The following PDE3B variants were observed in gnomAD, a reference collection of about 807,000 sequenced individuals.
The protein encoded by PDE3B is phosphodiesterase 3B, also known as cGMP-inhibited 3',5'-cyclic phosphodiesterase 3B.
A neutral mutation model predicts 116.8 loss-of-function variants in PDE3B; 66 were observed. That is an observed-to-expected ratio of 0.56 (90% CI 0.46 to 0.69). The LOEUF is 0.69. Among genes scored for constraint, PDE3B ranks in the 30% least tolerant of loss-of-function variants. The pLI is 0.00. For missense variants in PDE3B, 1,384 were observed against 1,368.1 expected, an observed-to-expected ratio of 1.01 and a Z score of -0.18; for synonymous variants, 595 against 533.6, an observed-to-expected ratio of 1.12 and a Z score of -1.59.
the PDE3B span, among the ~76,000 whole-genome samples, chr11:14,882,300 T>C: frequency 6.6e-6 from 1 of 152,080 alleles, no homozygotes; most frequent in Non-Finnish European, 1.5e-5. Context: ...TAAAAAGATA[T>C]AGGGTAGTCA....
intron 1 of PDE3B, among the ~76,000 whole-genome samples, chr11:14,703,320 T>C (rs1855428394): frequency 6.6e-6 from 1 of 151,722 alleles, no homozygotes; most frequent in South Asian, 2.1e-4. Context: ...AAAATTATGA[T>C]ATATAGTATT....
intron 1 of PDE3B, among the ~76,000 whole-genome samples, chr11:14,682,131 C>T (rs1172624542): frequency 6.6e-6 from 1 of 152,052 alleles, no homozygotes; most frequent in Non-Finnish European, 1.5e-5. Flanking sequence ...AGGTCTTCAT[C>T]CTCACTGTCT....
At position 14,728,279 on chromosome 11, in the gene PDE3B, T is replaced by C. The variant is rs374856299; in HGVS notation, c.979-43658T>C. Among the ~76,000 whole-genome samples, 406 of 152,196 alleles carry C rather than the reference T, an allele frequency of 2.7e-3. 1 individual carries two copies. Among genetic ancestry groups the C allele is most frequent in the Non-Finnish European group, 4.7e-3 (322 of 67,916 alleles). ...CTAGTTTTGAAAAGCTAAAAGTTTA[T>C]GTTTTTATGCTTTCTGTGAAAGTCA... On this transcript the variant is annotated intron_variant, in intron 1 of 15. Transcript: ENST00000282096.
intron 1 of PDE3B, among the ~76,000 whole-genome samples, chr11:14,692,605 C>T (rs371468996): frequency 3.9e-5 from 6 of 151,942 alleles, no homozygotes; most frequent in Non-Finnish European, 8.8e-5. Flanking sequence ...TTGTGATCAG[C>T]GATCTTTGAT....
chr11:14,876,385 T>A (rs1848189641), downstream of PDE3B, among the ~76,000 whole-genome samples: 2 of 152,138 alleles, frequency 1.3e-5, no homozygotes, highest in African/African-American at 4.8e-5. Context: ...AGAAGGTAGG[T>A]TGGAAAGTTG....
At chr11:14,852,346 A>C (rs1293758511) in intron 12 of PDE3B, among the ~76,000 whole-genome samples, 1 of 152,168 alleles carries the variant, frequency 6.6e-6, no homozygotes, top group Non-Finnish European at 1.5e-5. Flanking sequence ...ATGAGCTACC[A>C]TGCCGGCCTA....
At chr11:14,879,098 G>T in the PDE3B span, 4 of 1,601,216 alleles carry the variant, frequency 2.5e-6, no homozygotes, top group Admixed American at 3.3e-5. Flanking sequence ...GTTACGCCCC[G>T]TGAAAGTTCT....
Position 14,739,383 on chromosome 11 carries a change from C to T in PDE3B, c.979-32554C>T, listed in dbSNP as rs1856697507. Reference sequence around the variant, plus strand: ...TGTAACAATTGTGAATGGCAGTTCACTCATGATTTGGCTCTCTGTTTGCCT... The same window carrying T: ...TGTAACAATTGTGAATGGCAGTTCATTCATGATTTGGCTCTCTGTTTGCCT... On this transcript the variant is annotated intron_variant, in intron 1 of 15. Coordinates refer to ENST00000282096, the MANE Select transcript of PDE3B (RefSeq NM_000922.4). 2.2e-5 allele frequency among the ~76,000 whole-genome samples: 3 copies of T among 134,858 alleles called. No individual in the cohort carries two copies. The South Asian group carries it at 7.8e-4, about 35-fold the overall frequency. 88.5% of individuals were successfully genotyped at this position (134,858 alleles called of 152,430 possible).
intron 7 of PDE3B, among the ~76,000 whole-genome samples, chr11:14,826,212 A>G (rs2133957619): frequency 6.6e-6 from 1 of 152,308 alleles, no homozygotes; most frequent in Middle Eastern, 3.4e-3. Context: ...TAAAATAACT[A>G]GAGAAGAGAG....
chr11:14,788,314 G>A (rs1425246907), intron 3 of PDE3B, among the ~76,000 whole-genome samples: 2 of 151,896 alleles, frequency 1.3e-5, no homozygotes, highest in African/African-American at 4.8e-5. Context: ...TAAGAACAAA[G>A]AAAGATCATA....
chr11:14,705,987 C>A (rs1379852510), intron 1 of PDE3B, among the ~76,000 whole-genome samples: 1 of 151,730 alleles, frequency 6.6e-6, no homozygotes, highest in African/African-American at 2.4e-5. Flanking sequence ...CTAAAGCAAA[C>A]AAAATACTAA....
chr11:14,788,206 C>T (rs189170499), intron 3 of PDE3B, among the ~76,000 whole-genome samples: 1 of 151,902 alleles, frequency 6.6e-6, no homozygotes, highest in East Asian at 1.9e-4. Context: ...TATAAAAAGC[C>T]TGTTGTTACT....
chr11:14,655,431 C>G (rs959558148), intron 1 of PDE3B, among the ~76,000 whole-genome samples: 4 of 152,134 alleles, frequency 2.6e-5, no homozygotes, highest in Non-Finnish European at 5.9e-5. Context: ...TTAATTCATT[C>G]CTATCACATT....
intron 1 of PDE3B, among the ~76,000 whole-genome samples, chr11:14,678,824 T>C (rs1854607239): frequency 6.6e-6 from 1 of 152,220 alleles, no homozygotes. Flanking sequence ...TAAGAACTTT[T>C]TAACCACAGG....
chr11:14,704,194 A>G (rs752485720), intron 1 of PDE3B, among the ~76,000 whole-genome samples: 2 of 151,750 alleles, frequency 1.3e-5, no homozygotes, highest in African/African-American at 2.4e-5. Context: ...TTTAATTTTA[A>G]TGGTTAGAAT....
chr11:14,841,321 C>G (rs1045951224), intron 11 of PDE3B, among the ~76,000 whole-genome samples: 17 of 148,514 alleles, frequency 1.1e-4, no homozygotes, highest in Non-Finnish European at 2.4e-4. Context: ...AAATAAATCT[C>G]TCTCTCTCTC....
chr11:14,676,082 G>T (rs1263548573), intron 1 of PDE3B, among the ~76,000 whole-genome samples: 1 of 152,100 alleles, frequency 6.6e-6, no homozygotes, highest in Admixed American at 6.6e-5. Flanking sequence ...TATAGTACCT[G>T]TGATGTTGAA....
intron 1 of PDE3B, among the ~76,000 whole-genome samples, chr11:14,757,980 A>G (rs1857243374): frequency 6.6e-6 from 1 of 151,454 alleles, no homozygotes; most frequent in Non-Finnish European, 1.5e-5. Context: ...TGATTTTTGT[A>G]TAAGGTGTAA....
intron 1 of PDE3B, among the ~76,000 whole-genome samples, chr11:14,694,439 A>T (rs550684395): frequency 1.3e-5 from 2 of 152,184 alleles, no homozygotes; most frequent in African/African-American, 4.8e-5. Flanking sequence ...GCCTTCAGCA[A>T]CCACCACCCT....
Sources: allele counts gnomAD v4.1 joint callset (sites outside exome capture counted in the v4.1 genomes callset), GRCh38; gene constraint gnomAD v4.1.1; transcripts MANE v1.5; gene names NCBI Gene and HGNC (gene_info 2026-07-23, HGNC 2026-07-21).